LIMS1: variants seen among roughly 807,000 people sequenced by gnomAD.
LIMS1 encodes the protein LIM zinc finger domain containing 1.
In LIMS1, 18 loss-of-function variants were observed where a neutral mutation model predicts 44.1. The ratio of observed to expected loss-of-function variants is 0.41; its 90% CI spans 0.28 to 0.61. The LOEUF (loss-of-function observed/expected upper bound fraction) is 0.61, where lower values mean the gene tolerates loss of function less well. Ranked by LOEUF, LIMS1 falls within the 20% of genes least tolerant of loss-of-function variation. The pLI, the probability that LIMS1 is intolerant of heterozygous loss-of-function variation, is 0.32. For missense variants in LIMS1, 201 were observed against 422.0 expected (o/e 0.48, Z 4.59); for synonymous variants, 93 against 149.1 (o/e 0.62, Z 2.74).
chr2:108,629,313 G>GT (rs751147597), intron 1 of LIMS1, among the ~76,000 whole-genome samples: 2 of 152,160 alleles, frequency 1.3e-5, no homozygotes, highest in Non-Finnish European at 1.5e-5. Flanking sequence ...TTCCAAAAAA[G>GT]TTTCTTCTCT....
At chr2:108,684,938 A>G (rs1463793848) in exon 10 of LIMS1, 2 of 152,096 alleles carry the variant, frequency 1.3e-5, no homozygotes, top group Non-Finnish European at 2.9e-5. Context: ...CCTTGCCTTA[A>G]AAACATACAT....
chr2:108,666,098 A>T (rs1691739019), intron 2 of LIMS1, among the ~76,000 whole-genome samples: 1 of 151,870 alleles, frequency 6.6e-6, no homozygotes, highest in Non-Finnish European at 1.5e-5. Context: ...CTCCAATTCA[A>T]TTCCCACACT....
Position 108,676,703 on chromosome 2 carries a change from T to C in LIMS1, c.774+5T>C. 7.3e-7 allele frequency: 1 copy of C among 1,370,160 alleles called. No individual in the cohort carries two copies. Among genetic ancestry groups the C allele is most frequent in the South Asian group, 1.3e-5 (1 of 76,730 alleles). 84.9% of individuals were successfully genotyped at this position (1,370,160 alleles called of 1,614,324 possible). A position where few individuals can be genotyped will look rare whatever the true frequency, so the allele number is the denominator to read the frequency against. On this transcript the variant is annotated splice_donor_5th_base_variant and intron_variant, in intron 7 of 9. Coordinates refer to ENST00000544547, the Ensembl canonical transcript of LIMS1. ...TGTGAAACTCACTATAACCAGGTAT[T>C]GACCTTAGTCACTGGATGCTAGATA...
chr2:108,586,446 G>T (rs944047196), intron 1 of LIMS1, among the ~76,000 whole-genome samples: 1 of 152,206 alleles, frequency 6.6e-6, no homozygotes, highest in Non-Finnish European at 1.5e-5. Context: ...TAGGTGGGAG[G>T]TAGTTGAAAG....
intron 2 of LIMS1, among the ~76,000 whole-genome samples, chr2:108,667,096 A>C (rs1252677443): frequency 6.6e-6 from 1 of 151,982 alleles, no homozygotes; most frequent in African/African-American, 2.4e-5. Flanking sequence ...TGGGGCTGAA[A>C]ACCCCAACCA....
intron 2 of LIMS1, among the ~76,000 whole-genome samples, chr2:108,666,235 G>A (rs1691752332): frequency 6.6e-6 from 1 of 152,144 alleles, no homozygotes. Flanking sequence ...GAATCCCACA[G>A]CTTCCTCTTC....
At chr2:108,597,118 A>C (rs1006592876) in intron 1 of LIMS1, among the ~76,000 whole-genome samples, 1 of 151,796 alleles carries the variant, frequency 6.6e-6, no homozygotes, top group African/African-American at 2.4e-5. Context: ...CTTGTTGGCC[A>C]GGCTGATCTC....
Position 108,677,963 on chromosome 2 carries a change from C to G in LIMS1, c.775-16C>G, listed in dbSNP as rs768541213. Reference sequence around the variant, plus strand: ...CTAACACATCTTGAACTTTGACCACCTTTTTTTATTTTCAGCTATTTGGTG... The same window carrying G: ...CTAACACATCTTGAACTTTGACCACGTTTTTTTATTTTCAGCTATTTGGTG... On this transcript the variant is annotated splice_polypyrimidine_tract_variant and intron_variant, in intron 7 of 9. Transcript: ENST00000544547. 1.3e-5 allele frequency: 21 copies of G among 1,592,880 alleles called. No individual in the cohort carries two copies. Among genetic ancestry groups the G allele is most frequent in the Non-Finnish European group, 1.7e-5 (20 of 1,173,984 alleles).
chr2:108,618,755 G>T (rs1346154162), intron 1 of LIMS1, among the ~76,000 whole-genome samples: 1 of 151,238 alleles, frequency 6.6e-6, no homozygotes, highest in Non-Finnish European at 1.5e-5. Context: ...AACTCGGGAG[G>T]TGGAGGTTGC....
chr2:108,566,276 G>T (rs1427745581), intron 1 of LIMS1, among the ~76,000 whole-genome samples: 1 of 152,140 alleles, frequency 6.6e-6, no homozygotes, highest in Admixed American at 6.5e-5. Context: ...ACTCAGTAAG[G>T]CTTTAATTCA....
intron 1 of LIMS1, among the ~76,000 whole-genome samples, chr2:108,597,691 T>A (rs1319714715): frequency 8.2e-6 from 1 of 122,450 alleles, no homozygotes; most frequent in Non-Finnish European, 1.7e-5. Flanking sequence ...CAAGCAAAAA[T>A]GCTTTTTTTT....
intron 1 of LIMS1, among the ~76,000 whole-genome samples, chr2:108,584,599 G>A (rs145975732): frequency 3.3e-5 from 5 of 152,148 alleles, no homozygotes; most frequent in African/African-American, 7.2e-5. Flanking sequence ...AATGATCCTC[G>A]CGGAGTAAAT....
intron 3 of LIMS1, among the ~76,000 whole-genome samples, chr2:108,671,890 C>G (rs1692184103): frequency 6.6e-6 from 1 of 152,168 alleles, no homozygotes; most frequent in African/African-American, 2.4e-5. Context: ...ATAAAAAGTT[C>G]TTCTACTGGC....
intron 7 of LIMS1, chr2:108,677,034 A>G: frequency 8.7e-6 from 2 of 228,912 alleles, no homozygotes; most frequent in Non-Finnish European, 8.6e-6. Flanking sequence ...ACTTCAGTGT[A>G]TATTTCCCAA....
At chr2:108,536,556 T>C (rs75285944) in intron 1 of LIMS1, among the ~76,000 whole-genome samples, 13,394 of 152,286 alleles carry the variant, frequency 0.088, 797 homozygotes, top group Non-Finnish European at 0.13. Flanking sequence ...TTAAGAAAGC[T>C]ACTACGAACA....
At chr2:108,626,975 G>A (rs1302445951) in intron 1 of LIMS1, among the ~76,000 whole-genome samples, 2 of 152,188 alleles carry the variant, frequency 1.3e-5, no homozygotes, top group Non-Finnish European at 2.9e-5. Flanking sequence ...CAAGGAAGTT[G>A]CCCTATGCAG....
Position 108,623,007 on chromosome 2 carries a change from TAAA to T in LIMS1, c.33-36596_33-36594del, listed in dbSNP as rs1688342244. 2.7e-5 allele frequency among the ~76,000 whole-genome samples: 4 copies of T among 149,904 alleles called. No homozygotes were observed. The South Asian group carries it at 8.4e-4, about 31-fold the overall frequency. On this transcript the variant is annotated intron_variant, in intron 1 of 9. Transcript: ENST00000544547. ...TTTTTTTTTTTGCTTAGAATTTAAT[TAAA>T]AGAGGAAGAATAATTCTTAAGTATT...
chr2:108,673,019 G>A (rs769101940), exon 5 of LIMS1: 6 of 1,347,912 alleles, frequency 4.5e-6, no homozygotes, highest in South Asian at 2.9e-5. Flanking sequence ...TTTCAACTGC[G>A]CCAACTGCGG....
intron 1 of LIMS1, among the ~76,000 whole-genome samples, chr2:108,603,589 G>A (rs2104729065): frequency 7.0e-6 from 1 of 142,332 alleles, no homozygotes; most frequent in Middle Eastern, 3.6e-3. Context: ...CCACCTCCTG[G>A]GTTCAAGTGA....
Sources: allele counts gnomAD v4.1 joint callset (sites outside exome capture counted in the v4.1 genomes callset), GRCh38; gene constraint gnomAD v4.1.1; transcripts MANE v1.5; gene names NCBI Gene and HGNC (gene_info 2026-07-23, HGNC 2026-07-21).